ZEB2: variants seen among roughly 807,000 people sequenced by gnomAD.
ZEB2 encodes zinc finger E-box-binding homeobox 2.
In ZEB2, 6 loss-of-function variants were observed where a neutral mutation model predicts 99.9. The observed-to-expected ratio is 0.06, with a 90% confidence interval of 0.03 to 0.12. The LOEUF (loss-of-function observed/expected upper bound fraction) is 0.12. Ranked by LOEUF, ZEB2 falls within the 10% of genes least tolerant of loss-of-function variation. The pLI is 1.00. For missense variants in ZEB2, 969 were observed against 1,502.8 expected (o/e 0.64, Z 5.87); for synonymous variants, 517 against 542.5 (o/e 0.95, Z 0.65).
chr2:144,413,880 ATGT>A (rs1439791706), intron 4 of ZEB2, among the ~76,000 whole-genome samples: 2 of 152,244 alleles, frequency 1.3e-5, no homozygotes, highest in African/African-American at 4.8e-5. Flanking sequence ...TTTAAGCTCC[ATGT>A]TAAGAGGAAC....
intron 2 of ZEB2, among the ~76,000 whole-genome samples, chr2:144,508,883 T>C (rs1704989665): frequency 6.6e-6 from 1 of 152,096 alleles, no homozygotes; most frequent in Non-Finnish European, 1.5e-5. Flanking sequence ...CGTAGTCTAA[T>C]ATTTTAAAAG....
rs926346839 is a variant in ZEB2 at position 144,404,882 on chromosome 2, C to T, written c.546G>A (p.Glu182=). The T allele has an allele frequency of 9.9e-6, 16 of 1,614,232 alleles. No homozygotes were observed. The highest frequency in any genetic ancestry group is 1.3e-5 in the Non-Finnish European group (15 of 1,180,040). Residue 182 remains glutamate (E), a synonymous_variant, in exon 5 of 10, where the codon GAG becomes GAA. Transcript: ENST00000627532. ...CCTCTGGCGTGCCAAGGCGAGACAGCTCCTCAGGGGCTTCTGGGTAAATAA... is the reference window on the plus strand; with the variant it reads ...CCTCTGGCGTGCCAAGGCGAGACAGTTCCTCAGGGGCTTCTGGGTAAATAA... The part of the protein sequence containing the change: ...TAIIYPEAPE[E]LSRLGTPEAN...
At chr2:144,478,184 C>T (rs555841726) in intron 2 of ZEB2, among the ~76,000 whole-genome samples, 2 of 152,268 alleles carry the variant, frequency 1.3e-5, no homozygotes, top group East Asian at 3.9e-4. Flanking sequence ...TACAAAATAC[C>T]TTATTCATGA....
chr2:144,389,915 C>G lies in ZEB2; in HGVS notation c.3181G>C (p.Gly1061Arg). The change falls in exon 10 of 10, where the codon GGC (glycine) becomes CGC (arginine). Residue 1061 changes from glycine to arginine, a missense_variant. Around this residue, in one of 8 missense-constraint regions of ZEB2, gnomAD observed 17 missense variants for 116.9 expected, o/e 0.15. Coordinates refer to ENST00000627532, the MANE Select transcript of ZEB2 (RefSeq NM_014795.4). This position sits in a 1 kb window ranked among gnomAD's most constrained non-coding sequence, Gnocchi z 6.8. ...GAGCCCGAGTGTGAGAAGCGCTTGC[C>G]ACATTTATCACACTGATAGGGCTTC... Reference protein sequence around the residue: ...GEKPYQCDKCGKRFSHSGSYS... With the variant: ...GEKPYQCDKCRKRFSHSGSYS... The G allele has an allele frequency of 6.2e-7, 1 of 1,612,850 alleles. No individual in the cohort carries two copies. Among genetic ancestry groups the G allele is most frequent in the Non-Finnish European group, 8.5e-7 (1 of 1,180,034 alleles).
At chr2:144,451,330 G>T (rs1704051922) in intron 2 of ZEB2, among the ~76,000 whole-genome samples, 1 of 152,116 alleles carries the variant, frequency 6.6e-6, no homozygotes, top group Non-Finnish European at 1.5e-5. Flanking sequence ...GTGCAGAAAA[G>T]ATTTTTCTAG....
intron 2 of ZEB2, among the ~76,000 whole-genome samples, chr2:144,487,100 T>C (rs2149917165): frequency 1.3e-5 from 2 of 152,328 alleles, no homozygotes; most frequent in Middle Eastern, 6.8e-3. Context: ...TTCTCCCAAA[T>C]TCAACATCAT....
At position 144,386,383 on chromosome 2, in the gene ZEB2, T is replaced by C. The variant is rs1573704706; in HGVS notation, c.*3068A>G. ...TGTGCAATCGTGTCCAGCGGATAAA[T>C]AGCATTAAAAAAAACTCCTCAGATA... On this transcript the variant is annotated 3_prime_UTR_variant, in exon 10 of 10. Coordinates refer to ENST00000627532, the MANE Select transcript of ZEB2 (RefSeq NM_014795.4). The C allele has an allele frequency of 2.0e-5, 3 of 152,080 alleles. No individual in the cohort carries two copies. Among genetic ancestry groups the C allele is most frequent in the Non-Finnish European group, 4.4e-5 (3 of 68,002 alleles). The allele number at this position is 152,080 out of a possible 1,614,324, so 9.4% of individuals were successfully genotyped here.
intron 2 of ZEB2, among the ~76,000 whole-genome samples, chr2:144,457,450 G>C (rs905381516): frequency 6.6e-6 from 1 of 152,146 alleles, no homozygotes; most frequent in African/African-American, 2.4e-5. Flanking sequence ...GCAAACAAAA[G>C]CCAAAATAGG....
chr2:144,417,013 A>G (rs1703549040), intron 4 of ZEB2, among the ~76,000 whole-genome samples: 1 of 152,206 alleles, frequency 6.6e-6, no homozygotes, highest in South Asian at 2.1e-4. Flanking sequence ...GTTGCACTAA[A>G]TATTTTACAT....
chr2:144,505,369 G>A (rs1704938045), intron 2 of ZEB2, among the ~76,000 whole-genome samples: 2 of 152,176 alleles, frequency 1.3e-5, no homozygotes, highest in African/African-American at 2.4e-5. Flanking sequence ...GGTGGAAAAA[G>A]TTCAAGTTGG....
At chr2:144,515,467 G>C (rs1244723162) in intron 2 of ZEB2, among the ~76,000 whole-genome samples, 1 of 151,390 alleles carries the variant, frequency 6.6e-6, no homozygotes, top group Non-Finnish European at 1.5e-5. Context: ...TCCTGTGTAA[G>C]GACCACCTTA....
At chr2:144,401,137 C>A in intron 7 of ZEB2, 62 bp downstream of exon 7, 1 of 1,456,660 alleles carries the variant, frequency 6.9e-7, no homozygotes, top group South Asian at 1.1e-5. Flanking sequence ...TTTAAACAAT[C>A]TTTTAAAACT....
intron 2 of ZEB2, among the ~76,000 whole-genome samples, chr2:144,436,211 T>C (rs1703835022): frequency 6.6e-6 from 1 of 152,154 alleles, no homozygotes; most frequent in Admixed American, 6.6e-5. Context: ...ACCATGCCAA[T>C]TTGAAATATT....
intron 9 of ZEB2, chr2:144,394,441 C>G (rs959655609): frequency 1.3e-5 from 2 of 152,052 alleles, no homozygotes; most frequent in African/African-American, 4.8e-5. Context: ...TAAAACCAAT[C>G]AGAGAGGGAA....
chr2:144,488,994 G>GT (rs1220367701), intron 2 of ZEB2, among the ~76,000 whole-genome samples: 1 of 152,052 alleles, frequency 6.6e-6, no homozygotes, highest in African/African-American at 2.4e-5. Flanking sequence ...TCAAAATAAT[G>GT]TTTTTAAAAA....
At chr2:144,429,270 C>T in intron 3 of ZEB2, 1 of 170,092 alleles carries the variant, frequency 5.9e-6, no homozygotes. Context: ...CACATTCACA[C>T]TTAACAAAAG....
intron 2 of ZEB2, among the ~76,000 whole-genome samples, chr2:144,484,888 C>T (rs974608936): frequency 2.6e-5 from 4 of 151,862 alleles, no homozygotes; most frequent in African/African-American, 7.3e-5. Flanking sequence ...AGCAGTAAAA[C>T]CAAAGAACGT....
chr2:144,487,185 GAAC>G (rs907220123), intron 2 of ZEB2, among the ~76,000 whole-genome samples: 1 of 151,666 alleles, frequency 6.6e-6, no homozygotes, highest in Non-Finnish European at 1.5e-5. Flanking sequence ...CCTTTGATAA[GAAC>G]AACTTCTGCT....
intron 4 of ZEB2, among the ~76,000 whole-genome samples, chr2:144,414,095 C>A (rs1163476567): frequency 5.9e-5 from 9 of 152,158 alleles, no homozygotes; most frequent in Non-Finnish European, 1.3e-4. Context: ...CTTGCTGAGG[C>A]AAGATTTTCA....
Sources: gnomAD v4.1 joint callset for allele counts (sites outside exome capture counted in the v4.1 genomes callset) on GRCh38, gnomAD v4.1.1 for gene constraint, gnomAD v4.1.1 regional missense constraint, Gnocchi (gnomAD v3.1) non-coding constraint, MANE v1.5 for transcripts, NCBI Gene and HGNC (gene_info 2026-07-23, HGNC 2026-07-21) for gene names.